INTS8: variants seen among roughly 807,000 people sequenced by gnomAD.
INTS8 encodes the protein protein kaonashi-1.
A neutral mutation model predicts 138.9 loss-of-function variants in INTS8; 47 were observed. The observed-to-expected ratio is 0.34, with a 90% confidence interval of 0.27 to 0.43. INTS8 has a LOEUF of 0.43. Among genes scored for constraint, INTS8 ranks in the 20% least tolerant of loss-of-function variants. The pLI is 1.00. For missense variants in INTS8, 996 were observed against 1,173.0 expected, an observed-to-expected ratio of 0.85 and a Z score of 2.20; for synonymous variants, 392 against 400.9, an observed-to-expected ratio of 0.98 and a Z score of 0.27.
Position 94,823,347 on chromosome 8 carries a change from T to TCC in INTS8, c.-84_-83dup. ...GAGGGTGGCCTCTCTCCCACCGGGT[T>TCC]CCGCATACCCCAGGCACCGGCCCGC... is the stretch of plus-strand genomic sequence containing the variant. On this transcript the variant is annotated 5_prime_UTR_variant, in exon 1 of 27. Transcript: ENST00000523731. The TCC allele has an allele frequency of 6.6e-7, 1 of 1,509,144 alleles. No homozygotes were observed. The highest frequency in any genetic ancestry group is 8.8e-7 in the Non-Finnish European group (1 of 1,132,484). 93.5% of individuals were successfully genotyped at this position (1,509,144 alleles called of 1,614,324 possible). A position where few individuals can be genotyped will look rare whatever the true frequency, so the allele number is the denominator to read the frequency against.
intron 21 of INTS8, among the ~76,000 whole-genome samples, chr8:94,872,667 C>T (rs950420941): frequency 6.6e-6 from 1 of 152,156 alleles, no homozygotes; most frequent in East Asian, 1.9e-4. Context: ...TAACTCTCCC[C>T]ATTACTCCTC....
intron 21 of INTS8, among the ~76,000 whole-genome samples, 188 bp downstream of exon 21, chr8:94,872,190 C>G (rs1342702029): frequency 6.6e-6 from 1 of 151,612 alleles, no homozygotes; most frequent in Non-Finnish European, 1.5e-5. Flanking sequence ...ATGCTTTTAA[C>G]TTTACGTTGA....
chr8:94,836,661 T>C (rs764543634), intron 7 of INTS8, 30 bp downstream of exon 7: 9 of 1,331,968 alleles, frequency 6.8e-6, no homozygotes, highest in Admixed American at 1.8e-5. Flanking sequence ...GAACTTAATG[T>C]TCAGTTCTTT....
At chr8:94,867,633 C>T (rs748552876) in intron 20 of INTS8, 5 of 221,050 alleles carry the variant, frequency 2.3e-5, no homozygotes, top group Admixed American at 5.8e-5. Context: ...AAGCAATTCT[C>T]ATGCCTCAGC....
chr8:94,870,188 G>A (rs900524294), intron 20 of INTS8, among the ~76,000 whole-genome samples: 40 of 151,796 alleles, frequency 2.6e-4, no homozygotes, highest in South Asian at 4.2e-4. Flanking sequence ...AGTAGCTGGG[G>A]CTACAGGCGC....
At chr8:94,866,346 G>A (rs113338212) in intron 18 of INTS8, 155 bp downstream of exon 18, 31,019 of 624,436 alleles carry the variant, frequency 0.05, 1,066 homozygotes, top group Middle Eastern at 0.067. Flanking sequence ...AAGCTGGAGT[G>A]CTGAGGTGTG....
chr8:94,854,014 G>T, intron 14 of INTS8, 99 bp downstream of exon 14: 2 of 685,128 alleles, frequency 2.9e-6, no homozygotes, highest in Non-Finnish European at 2.6e-6. Context: ...AGTCTGAGGT[G>T]GGCAGATCAA....
chr8:94,827,395 T>C lies in INTS8; in HGVS notation c.438T>C (p.Tyr146=), dbSNP rs1416146966. ...PPTTAMAVLL[Y]NRWAIRTIVQ... Reference sequence around the variant, plus strand: ...CCACTGCCATGGCTGTACTTCTCTATAATAGATGGTAAATGTTTTCATAAA... The same window carrying C: ...CCACTGCCATGGCTGTACTTCTCTACAATAGATGGTAAATGTTTTCATAAA... The change falls in exon 3 of 27, where the codon TAT becomes TAC. Residue 146 remains tyrosine (Y), a synonymous_variant. Transcript: ENST00000523731. The C allele has an allele frequency of 6.2e-7, 1 of 1,614,022 alleles. No individual in the cohort carries two copies. Among genetic ancestry groups the C allele is most frequent in the Non-Finnish European group, 8.5e-7 (1 of 1,180,006 alleles).
rs146554643 is a variant in INTS8 at position 94,853,830 on chromosome 8, G to T, written c.1667G>T (p.Gly556Val). ...NKWEVPSVYS[G>V]VILGIKDNLT... Reference sequence around the variant, plus strand: ...TGGGAAGTACCTTCTGTCTATAGTGGTGTTATCCTGGGAATTAAAGACAAT... The same window carrying T: ...TGGGAAGTACCTTCTGTCTATAGTGTTGTTATCCTGGGAATTAAAGACAAT... The change falls in exon 14 of 27, where the codon GGT becomes GTT. Residue 556 changes from glycine (G) to valine (V), a missense_variant. Physicochemically the swap from Gly to Val is moderately radical, Grantham distance 109. Transcript: ENST00000523731. 2 of 1,609,320 alleles carry T rather than the reference G, an allele frequency of 1.2e-6. No homozygotes were observed. Among genetic ancestry groups the T allele is most frequent in the Non-Finnish European group, 1.7e-6 (2 of 1,175,736 alleles).
intron 8 of INTS8, among the ~76,000 whole-genome samples, chr8:94,839,229 G>A (rs375104643): frequency 1.3e-5 from 2 of 152,154 alleles, no homozygotes; most frequent in Non-Finnish European, 1.5e-5. Context: ...TCATGAAAAC[G>A]CCTTAATGAG....
rs1279797377 is a variant in INTS8, at chr8:94,823,499, GCTGGT to G, written c.69_73del (p.Trp24Ter). 1 of 1,561,758 alleles carries G rather than the reference GCTGGT, an allele frequency of 6.4e-7. No homozygotes were observed. The highest frequency in any genetic ancestry group is 8.7e-7 in the Non-Finnish European group (1 of 1,153,570). On this transcript the variant is annotated frameshift_variant, in exon 1 of 27. Coordinates refer to ENST00000523731, the MANE Select transcript of INTS8 (RefSeq NM_017864.4). LOFTEE classifies it high-confidence loss of function. Reference sequence around the variant, plus strand: ...CGGCCCTGCACCCCGCCGCAGACCTGCTGGTTTGAGTTTCTGCTGGAGGAGTCACT... The same window carrying G: ...CGGCCCTGCACCCCGCCGCAGACCTGTTGAGTTTCTGCTGGAGGAGTCACT...
chr8:94,843,347 C>T (rs1165864357), intron 10 of INTS8, among the ~76,000 whole-genome samples: 1 of 152,126 alleles, frequency 6.6e-6, no homozygotes, highest in African/African-American at 2.4e-5. Flanking sequence ...GCGAGTGGAT[C>T]ACAAGGTCAG....
Position 94,876,157 on chromosome 8 carries a change from A to G in INTS8, c.2762+10A>G, listed in dbSNP as rs1485862808. 2 of 1,606,630 alleles carry G rather than the reference A, an allele frequency of 1.2e-6. No individual in the cohort carries two copies. Among genetic ancestry groups the G allele is most frequent in the Non-Finnish European group, 8.5e-7 (1 of 1,173,702 alleles). On this transcript the variant is annotated intron_variant, in intron 24 of 26. Transcript: ENST00000523731. The stretch of plus-strand genomic sequence containing the variant: ...TGCAAGAACAAAACAGGTATGAATA[A>G]TATTTTAAAAATAATGAGGTCAACA...
At chr8:94,857,362 A>G (rs1815790248) in intron 15 of INTS8, among the ~76,000 whole-genome samples, 1 of 152,088 alleles carries the variant, frequency 6.6e-6, no homozygotes, top group Non-Finnish European at 1.5e-5. Flanking sequence ...ATGAGCCACC[A>G]TGCCCAGCTG....
In INTS8 at chr8:94,880,158, CAGA is replaced by C. The variant is rs1816749004; in HGVS notation, c.2918_2920del (p.Glu973del). The C allele has an allele frequency of 6.2e-7, 1 of 1,611,898 alleles. No individual in the cohort carries two copies. Among genetic ancestry groups the C allele is most frequent in the Non-Finnish European group, 8.5e-7 (1 of 1,179,338 alleles). Reference sequence around the variant, plus strand: ...CAGACAGAGTTGAATGCAAGCAATCCAGAAGAAGTGTTACAGCTGGCAGCGCAG... The same window carrying C: ...CAGACAGAGTTGAATGCAAGCAATCCAGAAGTGTTACAGCTGGCAGCGCAG... On this transcript the variant is annotated inframe_deletion, in exon 27 of 27. Coordinates refer to ENST00000523731, the MANE Select transcript of INTS8 (RefSeq NM_017864.4).
chr8:94,852,539 T>A (rs1360433590), intron 13 of INTS8, among the ~76,000 whole-genome samples: 4 of 151,808 alleles, frequency 2.6e-5, no homozygotes, highest in Admixed American at 2.0e-4. Flanking sequence ...AACTACATAC[T>A]TACTCCTCCC....
Position 94,832,155 on chromosome 8 carries a change from C to T in INTS8, c.734C>T (p.Thr245Ile). The change falls in exon 6 of 27, where the codon ACC (threonine) becomes ATC (isoleucine). Residue 245 changes from threonine to isoleucine, a missense_variant. Physicochemically the swap from Thr to Ile is moderately conservative, Grantham distance 89 (BLOSUM62 -1). Transcript: ENST00000523731. ...TCTACTGCTGGATTGAAAGTCAAAA[C>T]CGAAGAAATGCAGTGCCAGGTATTC... is the stretch of plus-strand genomic sequence containing the variant. ...ESSTAGLKVK[T>I]EEMQCQVCYD... 1.2e-6 allele frequency: 2 copies of T among 1,611,958 alleles called. No individual in the cohort carries two copies. The highest frequency in any genetic ancestry group is 2.2e-5 in the East Asian group (1 of 44,834).
intron 14 of INTS8, among the ~76,000 whole-genome samples, chr8:94,856,338 C>A (rs1237223000): frequency 6.6e-6 from 1 of 152,108 alleles, no homozygotes; most frequent in Non-Finnish European, 1.5e-5. Context: ...GGACTTGGAT[C>A]ATAGCTGATT....
chr8:94,838,742 C>G (rs924031412), intron 8 of INTS8, 124 bp downstream of exon 8: 6 of 649,268 alleles, frequency 9.2e-6, no homozygotes, highest in African/African-American at 3.6e-5. Flanking sequence ...TCATACTGGC[C>G]TGTAACATAA....
Sources: gnomAD v4.1 joint callset for allele counts (sites outside exome capture counted in the v4.1 genomes callset) on GRCh38, gnomAD v4.1.1 for gene constraint, MANE v1.5 for transcripts, NCBI Gene and HGNC (gene_info 2026-07-23, HGNC 2026-07-21) for gene names.